Variants in AGTPBP1 observed in about 807,000 individuals in gnomAD.
AGTPBP1 encodes the protein ATP/GTP binding carboxypeptidase 1.
Under a neutral mutation model 143.9 loss-of-function variants are expected in AGTPBP1, and 70 were observed. The observed-to-expected ratio is 0.49, with a 90% CI of 0.40 to 0.59. The LOEUF is 0.59. AGTPBP1 is among the 20% of genes least tolerant of loss of function. The probability of loss-of-function intolerance (pLI) is 0.00; values close to 1 mark genes in which losing one functional copy is unlikely to be tolerated. For missense variants in AGTPBP1, 1,229 were observed against 1,464.5 expected (o/e 0.84, Z 2.62); for synonymous variants, 463 against 500.2 (o/e 0.93, Z 0.99).
At chr9:85,753,437 A>G in the AGTPBP1 span, 3 of 1,613,306 alleles carry the variant, frequency 1.9e-6, no homozygotes, top group South Asian at 2.2e-5. Context: ...AATTCTATTT[A>G]GCGTTTCCTG....
At chr9:85,700,836 C>A (rs2134360314) in intron 2 of AGTPBP1, among the ~76,000 whole-genome samples, 1 of 152,274 alleles carries the variant, frequency 6.6e-6, no homozygotes, top group East Asian at 1.9e-4. Context: ...GAATATTTAG[C>A]CATTGTATTC....
chr9:85,615,176 C>T (rs1830537184), intron 17 of AGTPBP1, among the ~76,000 whole-genome samples: 1 of 152,094 alleles, frequency 6.6e-6, no homozygotes, highest in African/African-American at 2.4e-5. Flanking sequence ...CGGATGGATG[C>T]TGTTAAATAT....
chr9:85,687,854 C>T (rs1257162375), intron 3 of AGTPBP1, among the ~76,000 whole-genome samples: 1 of 151,704 alleles, frequency 6.6e-6, no homozygotes, highest in Non-Finnish European at 1.5e-5. Flanking sequence ...CTTTGGGAGG[C>T]CAAGGTAAGT....
At chr9:85,594,624 C>A (rs1172434242) in intron 18 of AGTPBP1, among the ~76,000 whole-genome samples, 9 of 152,000 alleles carry the variant, frequency 5.9e-5, no homozygotes, top group Non-Finnish European at 1.0e-4. Context: ...AATAAACATA[C>A]CTCAGGCTTC....
At chr9:85,765,573 CTT>C in the AGTPBP1 span, among the ~76,000 whole-genome samples, 3 of 152,108 alleles carry the variant, frequency 2.0e-5, no homozygotes, top group East Asian at 3.9e-4. Context: ...TTGCCCCAGA[CTT>C]TGTCTTTTTT....
chr9:85,549,362 G>C (rs1245760173), intron 25 of AGTPBP1, among the ~76,000 whole-genome samples: 1 of 152,120 alleles, frequency 6.6e-6, no homozygotes, highest in Admixed American at 6.5e-5. Flanking sequence ...CCATGTGTTG[G>C]GTAGCTGGGC....
chr9:85,786,448 G>A, the AGTPBP1 span: 8 of 1,613,750 alleles, frequency 5.0e-6, no homozygotes, highest in Non-Finnish European at 6.8e-6. Context: ...CTGTAAAACT[G>A]TGTCGAAAAG....
In AGTPBP1 at chr9:85,581,455, G is replaced by A. The variant is rs146291556; in HGVS notation, c.3166-2359C>T. Among the ~76,000 whole-genome samples, 59 of 152,248 alleles carry A rather than the reference G, an allele frequency of 3.9e-4. No homozygotes were observed. The East Asian group carries it at 4.6e-3, about 12-fold the overall frequency. The stretch of plus-strand genomic sequence containing the variant: ...GAAAATTCATATGAAGGCTATAAGC[G>A]CAATACTAAAAGCTATAAGCACAAT... On this transcript the variant is annotated intron_variant, in intron 23 of 25. Transcript: ENST00000357081.
intron 3 of AGTPBP1, among the ~76,000 whole-genome samples, chr9:85,682,863 G>C (rs1455929407): frequency 2.0e-5 from 3 of 152,166 alleles, no homozygotes; most frequent in South Asian, 2.1e-4. Flanking sequence ...TGAAAATTAA[G>C]TTACTCTAAA....
intron 25 of AGTPBP1, among the ~76,000 whole-genome samples, chr9:85,558,009 C>T (rs112639963): frequency 2.2e-3 from 330 of 152,254 alleles, no homozygotes; most frequent in African/African-American, 7.5e-3. Flanking sequence ...AATATCAAAA[C>T]ATACCAAATT....
chr9:85,607,168 T>C (rs891405214), intron 17 of AGTPBP1, among the ~76,000 whole-genome samples: 3 of 152,006 alleles, frequency 2.0e-5, no homozygotes, highest in African/African-American at 7.2e-5. Context: ...ATATACCCCA[T>C]AAATATGTGC....
chr9:85,622,720 C>T (rs1283218115), intron 14 of AGTPBP1, among the ~76,000 whole-genome samples: 2 of 151,876 alleles, frequency 1.3e-5, no homozygotes, highest in Non-Finnish European at 2.9e-5. Flanking sequence ...CTTTAAAATG[C>T]CAATTATAAA....
At chr9:85,745,088 T>A (rs1477785323), upstream of AGTPBP1, among the ~76,000 whole-genome samples, 1 of 152,250 alleles carries the variant, frequency 6.6e-6, no homozygotes, top group East Asian at 1.9e-4. Flanking sequence ...TGTTTTCCTG[T>A]TTCATTTTTG....
chr9:85,578,792 C>T (rs1828054150), intron 24 of AGTPBP1, 128 bp downstream of exon 24: 2 of 951,560 alleles, frequency 2.1e-6, no homozygotes, highest in African/African-American at 1.7e-5. Context: ...CATATGATTC[C>T]ATTATTACAT....
At chr9:85,755,997 T>C in the AGTPBP1 span, 1 of 1,061,340 alleles carries the variant, frequency 9.4e-7, no homozygotes, top group Non-Finnish European at 1.3e-6. Flanking sequence ...TTTCAGCCAA[T>C]CTGAAATTCT....
At position 85,596,427 on chromosome 9, in the gene AGTPBP1, C is replaced by T. The variant is rs747715117; in HGVS notation, c.2358G>A (p.Ser786=). 8.7e-6 allele frequency: 14 copies of T among 1,605,468 alleles called. No homozygotes were observed. Among genetic ancestry groups the T allele is most frequent in the South Asian group, 7.8e-5 (7 of 89,958 alleles). ...FNYGMQPLMY[S]VQEALNARPW... The stretch of plus-strand genomic sequence containing the variant: ...GTCTGGCATTTAATGCTTCCTGAAC[C>T]GAATACATGAGTGGTTGCATACCTT... The change falls in exon 18 of 26, where the codon TCG becomes TCA. Residue 786 remains serine (S), a synonymous_variant. Coordinates refer to ENST00000357081, the MANE Select transcript of AGTPBP1 (RefSeq NM_001330701.2).
intron 25 of AGTPBP1, among the ~76,000 whole-genome samples, chr9:85,565,781 C>T (rs1191838055): frequency 6.6e-6 from 1 of 152,196 alleles, no homozygotes; most frequent in African/African-American, 2.4e-5. Flanking sequence ...CTTATCCTCA[C>T]TATTCTTATT....
intron 1 of AGTPBP1, among the ~76,000 whole-genome samples, chr9:85,738,011 C>CA (rs924495532): frequency 1.3e-5 from 2 of 151,794 alleles, no homozygotes; most frequent in African/African-American, 4.8e-5. Flanking sequence ...GACAGATTTA[C>CA]AAAAAAAGTA....
At chr9:85,764,809 G>A in the AGTPBP1 span, 1 of 1,336,688 alleles carries the variant, frequency 7.5e-7, no homozygotes, top group African/African-American at 1.4e-5. Context: ...CAGCTGAGGA[G>A]AAAACAAAGA....
Sources: gnomAD v4.1 joint callset for allele counts (sites outside exome capture counted in the v4.1 genomes callset) on GRCh38, gnomAD v4.1.1 for gene constraint, MANE v1.5 for transcripts, NCBI Gene and HGNC (gene_info 2026-07-23, HGNC 2026-07-21) for gene names.